The following PIK3CB variants were observed in gnomAD, a reference collection of about 807,000 sequenced individuals.
The protein encoded by PIK3CB is phosphatidylinositol-4,5-bisphosphate 3-kinase catalytic subunit beta, also known as phosphatidylinositol 4,5-bisphosphate 3-kinase catalytic subunit beta isoform.
PIK3CB carries 39 observed loss-of-function variants against 136.8 expected under a neutral mutation model. The ratio of observed to expected loss-of-function variants is 0.29; its 90% CI spans 0.22 to 0.37. The LOEUF is 0.37. PIK3CB is among the 10% of genes least tolerant of loss of function. PIK3CB has a pLI of 1.00. For missense variants in PIK3CB, 868 were observed against 1,275.4 expected, an observed-to-expected ratio of 0.68 and a Z score of 4.87; for synonymous variants, 428 against 436.6, an observed-to-expected ratio of 0.98 and a Z score of 0.25.
chr3:138,818,394 G>C (rs1933422620), intron 1 of PIK3CB, among the ~76,000 whole-genome samples: 1 of 152,156 alleles, frequency 6.6e-6, no homozygotes, highest in East Asian at 1.9e-4. Flanking sequence ...TATTCACTGT[G>C]TGACCTTGGG....
At chr3:138,734,407 A>G (rs1464510908) in intron 7 of PIK3CB, among the ~76,000 whole-genome samples, 2 of 152,230 alleles carry the variant, frequency 1.3e-5, no homozygotes, top group Non-Finnish European at 2.9e-5. Flanking sequence ...CTTCGGCAGA[A>G]AAAGACATCA....
At chr3:138,828,114 T>C (rs1200589097) in intron 1 of PIK3CB, among the ~76,000 whole-genome samples, 2 of 152,016 alleles carry the variant, frequency 1.3e-5, no homozygotes, top group Admixed American at 6.5e-5. Flanking sequence ...ATATACATTG[T>C]ACATTCAATC....
chr3:138,742,647 G>T lies in PIK3CB; in HGVS notation c.532C>A (p.Pro178Thr). 1.9e-6 allele frequency: 3 copies of T among 1,608,944 alleles called. No homozygotes were observed. Among genetic ancestry groups the T allele is most frequent in the Non-Finnish European group, 2.6e-6 (3 of 1,175,420 alleles). ...WMDWLKQTYP[P>T]EHEPSIPENL... Reference sequence around the variant, plus strand: ...TCAGGGATGGATGGTTCATGCTCTGGTGGATATGTTTGTTTTAGCCAGTCC... The same window carrying T: ...TCAGGGATGGATGGTTCATGCTCTGTTGGATATGTTTGTTTTAGCCAGTCC... Residue 178 changes from proline to threonine, a missense_variant, in exon 5 of 24, where the codon CCA (proline) becomes ACA (threonine). By Grantham distance (38) the Pro-to-Thr change is conservative. Around this residue, in one of 4 missense-constraint regions of PIK3CB, gnomAD observed 612 missense variants for 801.1 expected, o/e 0.76. Transcript: ENST00000674063.
At chr3:138,743,457 C>T (rs2045284590) in intron 4 of PIK3CB, among the ~76,000 whole-genome samples, 1 of 152,140 alleles carries the variant, frequency 6.6e-6, no homozygotes, top group South Asian at 2.1e-4. Flanking sequence ...TCAAAAATCC[C>T]ATAAACATAA....
At chr3:138,813,227 A>G (rs1933155222) in intron 1 of PIK3CB, among the ~76,000 whole-genome samples, 1 of 152,112 alleles carries the variant, frequency 6.6e-6, no homozygotes, top group South Asian at 2.1e-4. Flanking sequence ...TTCTGTCAAG[A>G]GAATCCCTCT....
chr3:138,661,684 T>G (rs775788968), intron 21 of PIK3CB, among the ~76,000 whole-genome samples: 1 of 152,182 alleles, frequency 6.6e-6, no homozygotes, highest in Non-Finnish European at 1.5e-5. Context: ...TTATAGTGCA[T>G]TACAAATTCA....
At chr3:138,820,958 CAT>C (rs1339387147) in intron 1 of PIK3CB, among the ~76,000 whole-genome samples, 2 of 152,152 alleles carry the variant, frequency 1.3e-5, no homozygotes, top group Admixed American at 6.6e-5. Context: ...ATTTTCCACA[CAT>C]GTGAGTATAC....
At chr3:138,787,498 G>A (rs1209192457) in intron 2 of PIK3CB, among the ~76,000 whole-genome samples, 1 of 151,822 alleles carries the variant, frequency 6.6e-6, no homozygotes, top group Non-Finnish European at 1.5e-5. Flanking sequence ...TTATCTTAAT[G>A]ACAATTGCAA....
intron 1 of PIK3CB, among the ~76,000 whole-genome samples, chr3:138,829,974 C>T (rs1933950619): frequency 6.6e-6 from 1 of 152,086 alleles, no homozygotes; most frequent in Admixed American, 6.6e-5. Flanking sequence ...CAACAATTTA[C>T]TTATTTTTAG....
intron 1 of PIK3CB, among the ~76,000 whole-genome samples, chr3:138,817,692 G>A (rs1213672747): frequency 6.6e-6 from 1 of 152,072 alleles, no homozygotes; most frequent in East Asian, 1.9e-4. Flanking sequence ...TTGATGCTAG[G>A]GGAACTCACA....
intron 8 of PIK3CB, among the ~76,000 whole-genome samples, chr3:138,716,165 A>G (rs998132919): frequency 7.2e-5 from 11 of 152,220 alleles, no homozygotes; most frequent in African/African-American, 2.4e-4. Flanking sequence ...TACTAAAAGT[A>G]GTTGCAGTAA....
chr3:138,714,428 C>T (rs771351830), intron 9 of PIK3CB, 40 bp downstream of exon 9: 13 of 1,386,284 alleles, frequency 9.4e-6, no homozygotes, highest in East Asian at 7.0e-5. Flanking sequence ...AAAATTATTC[C>T]GTTATATAAA....
chr3:138,782,377 A>C (rs373561628), intron 2 of PIK3CB, among the ~76,000 whole-genome samples: 3 of 152,248 alleles, frequency 2.0e-5, no homozygotes, highest in African/African-American at 7.2e-5. Context: ...GAAACGATGG[A>C]AACACTTTGC....
At position 138,683,728 on chromosome 3, in the gene PIK3CB, T is replaced by C. The variant is rs1164856308; in HGVS notation, c.2375A>G (p.Asn792Ser). The change falls in exon 18 of 24, where the codon AAC (asparagine) becomes AGC (serine). Residue 792 changes from asparagine to serine, a missense_variant. Physicochemically the swap from Asn to Ser is conservative, Grantham distance 46. This residue lies in a region of PIK3CB where 165 missense variants were observed against 295.4 expected (regional missense o/e 0.56). Transcript: ENST00000674063. ...AACTGAATCCTCACCAAATACCTTG[T>C]TATTGTATACCAGCCACAAAGGCTT... is the stretch of plus-strand genomic sequence containing the variant. ...KMKPLWLVYN[N>S]KVFGEDSVGV... The C allele has an allele frequency of 1.2e-6, 2 of 1,608,378 alleles. No individual in the cohort carries two copies. Among genetic ancestry groups the C allele is most frequent in the Non-Finnish European group, 1.7e-6 (2 of 1,175,070 alleles).
chr3:138,745,205 C>T (rs1190076555), intron 4 of PIK3CB, among the ~76,000 whole-genome samples: 1 of 152,126 alleles, frequency 6.6e-6, no homozygotes, highest in Non-Finnish European at 1.5e-5. Context: ...CTTATGACCT[C>T]CTGATAGGCT....
chr3:138,666,923 C>T (rs565698621), intron 19 of PIK3CB, among the ~76,000 whole-genome samples: 2 of 152,034 alleles, frequency 1.3e-5, no homozygotes, highest in Non-Finnish European at 2.9e-5. Context: ...ACTTCCTGGC[C>T]GGGTGCGGTG....
chr3:138,826,442 T>C (rs1350330686), intron 1 of PIK3CB: 1 of 797,016 alleles, frequency 1.3e-6, no homozygotes, highest in Admixed American at 2.3e-5. Context: ...TGGTTAATGA[T>C]AACAATGCAC....
chr3:138,791,281 TAC>T (rs967340283), intron 2 of PIK3CB, among the ~76,000 whole-genome samples: 3 of 151,998 alleles, frequency 2.0e-5, no homozygotes, highest in Admixed American at 1.3e-4. Context: ...TAGCTGGGAC[TAC>T]AGGCATGCGC....
chr3:138,711,884 G>A (rs1222279746), intron 10 of PIK3CB, among the ~76,000 whole-genome samples: 3 of 151,738 alleles, frequency 2.0e-5, no homozygotes, highest in Admixed American at 2.0e-4. Flanking sequence ...CACTTTGGGA[G>A]GATCACTTGA....
Sources: allele counts gnomAD v4.1 joint callset (sites outside exome capture counted in the v4.1 genomes callset), GRCh38; gene constraint gnomAD v4.1.1; regional missense constraint gnomAD v4.1.1; transcripts MANE v1.5; gene names NCBI Gene and HGNC (gene_info 2026-07-23, HGNC 2026-07-21).